PELI2: variants seen among roughly 807,000 people sequenced by gnomAD.
The protein encoded by PELI2 is E3 ubiquitin-protein ligase pellino homolog 2.
PELI2 carries 23 observed loss-of-function variants against 42.3 expected under a neutral mutation model. That is an observed-to-expected ratio of 0.54 (90% CI 0.39 to 0.77). The LOEUF is 0.77. PELI2 is among the 30% of genes least tolerant of loss of function. PELI2 has a pLI of 0.00. For missense variants in PELI2, 463 were observed against 553.2 expected (o/e 0.84, Z 1.64); for synonymous variants, 245 against 212.2 (o/e 1.15, Z -1.34).
At chr14:56,252,994 A>G (rs571666949) in intron 2 of PELI2, among the ~76,000 whole-genome samples, 3 of 151,974 alleles carry the variant, frequency 2.0e-5, no homozygotes, top group Admixed American at 6.6e-5. Flanking sequence ...CAGCACATCA[A>G]AATCCACCAT....
At chr14:56,255,919 A>G (rs1175035339) in intron 2 of PELI2, among the ~76,000 whole-genome samples, 27 of 152,164 alleles carry the variant, frequency 1.8e-4, no homozygotes, top group Non-Finnish European at 1.5e-5. Flanking sequence ...TCCTGCTGGC[A>G]TTCACTCGTG....
intron 2 of PELI2, among the ~76,000 whole-genome samples, chr14:56,214,072 C>T (rs747283550): frequency 4.6e-5 from 7 of 152,144 alleles, no homozygotes; most frequent in Non-Finnish European, 1.5e-5. Context: ...AGGATGGTCT[C>T]GAACTCCAGA....
intron 2 of PELI2, among the ~76,000 whole-genome samples, chr14:56,190,182 T>G (rs1885909641): frequency 6.6e-6 from 1 of 152,192 alleles, no homozygotes; most frequent in African/African-American, 2.4e-5. Flanking sequence ...ACATACCACT[T>G]CATCAGCAGT....
Position 56,241,990 on chromosome 14 carries a change from G to A in PELI2, c.208-37686G>A, listed in dbSNP as rs78852021. 3.1e-3 allele frequency among the ~76,000 whole-genome samples: 477 copies of A among 152,292 alleles called. 4 individuals are homozygous for A. The highest frequency in any genetic ancestry group is 0.01 in the African/African-American group (432 of 41,566). ...GAAACGAGATCCAGCACAAGAAGGC[G>A]GCAAAGGGAATTCCCAGGATGGTGA... On this transcript the variant is annotated intron_variant, in intron 2 of 5. Coordinates refer to ENST00000267460, the MANE Select transcript of PELI2 (RefSeq NM_021255.3).
chr14:56,181,818 G>A (rs77344063), intron 2 of PELI2, among the ~76,000 whole-genome samples: 3,366 of 151,676 alleles, frequency 0.022, 112 homozygotes, highest in African/African-American at 0.078. Context: ...ATAATACTCA[G>A]AGGTATTTCT....
At chr14:56,131,417 A>T (rs574215028) in intron 1 of PELI2, among the ~76,000 whole-genome samples, 1 of 152,248 alleles carries the variant, frequency 6.6e-6, no homozygotes, top group South Asian at 2.1e-4. Flanking sequence ...GCAAACAGGC[A>T]TCTTGAGATA....
At chr14:56,244,796 G>A (rs578212141) in intron 2 of PELI2, among the ~76,000 whole-genome samples, 19 of 152,216 alleles carry the variant, frequency 1.2e-4, no homozygotes, top group Non-Finnish European at 2.4e-4. Context: ...TCATGGTCTT[G>A]ATATGAGTAA....
intron 2 of PELI2, among the ~76,000 whole-genome samples, chr14:56,272,516 G>A (rs944667815): frequency 1.3e-5 from 2 of 152,106 alleles, no homozygotes; most frequent in African/African-American, 4.8e-5. Flanking sequence ...TAACATACAT[G>A]GTGATTTTCT....
At chr14:56,130,891 C>T (rs1366084024) in intron 1 of PELI2, among the ~76,000 whole-genome samples, 1 of 152,078 alleles carries the variant, frequency 6.6e-6, no homozygotes, top group Non-Finnish European at 1.5e-5. Flanking sequence ...TGGCATGTAC[C>T]CTTGAAATCT....
chr14:56,154,609 T>C (rs150734718), intron 1 of PELI2, among the ~76,000 whole-genome samples: 120 of 152,358 alleles, frequency 7.9e-4, no homozygotes, highest in African/African-American at 2.8e-3. Flanking sequence ...TTTTCCCTTA[T>C]AAATTGCCCA....
At chr14:56,278,284 T>C (rs2139870364) in intron 2 of PELI2, among the ~76,000 whole-genome samples, 1 of 152,288 alleles carries the variant, frequency 6.6e-6, no homozygotes, top group Non-Finnish European at 1.5e-5. Flanking sequence ...AAATAAAAAT[T>C]GTATATATTC....
At chr14:56,139,602 G>T (rs566841596) in intron 1 of PELI2, among the ~76,000 whole-genome samples, 1 of 152,068 alleles carries the variant, frequency 6.6e-6, no homozygotes, top group East Asian at 1.9e-4. Context: ...GTACCTGAAG[G>T]TCTTTTTAAA....
At position 56,288,601 on chromosome 14, in the gene PELI2, C is replaced by T. The variant is rs776715862; in HGVS notation, c.474C>T (p.Ala158=). 1.6e-5 allele frequency: 26 copies of T among 1,613,604 alleles called. No individual in the cohort carries two copies. Among genetic ancestry groups the T allele is most frequent in the African/African-American group, 4.0e-5 (3 of 74,888 alleles). ...NEPYTARIFA[A]GFDSSKNIFL... ...CTTACACAGCACGGATATTCGCCGC[C>T]GGATTTGACTCTTCCAAAAACATAT... is the stretch of plus-strand genomic sequence containing the variant. The change falls in exon 4 of 6, where the codon GCC becomes GCT. Residue 158 remains alanine, a synonymous_variant. Coordinates refer to ENST00000267460, the MANE Select transcript of PELI2 (RefSeq NM_021255.3). The surrounding 1 kb of genome is among the most constrained non-coding windows in gnomAD (Gnocchi z 4.6).
chr14:56,286,317 A>G (rs1450627916), intron 3 of PELI2, among the ~76,000 whole-genome samples: 1 of 152,226 alleles, frequency 6.6e-6, no homozygotes, highest in Non-Finnish European at 1.5e-5. Flanking sequence ...CCAGGAGGGA[A>G]GTCAGAAAAT....
At chr14:56,277,054 C>G (rs1404325021) in intron 2 of PELI2, among the ~76,000 whole-genome samples, 1 of 152,276 alleles carries the variant, frequency 6.6e-6, no homozygotes, top group East Asian at 1.9e-4. Context: ...AAACACCTTA[C>G]AATAATTTGT....
intron 2 of PELI2, among the ~76,000 whole-genome samples, chr14:56,263,816 A>G (rs186910263): frequency 6.6e-5 from 10 of 152,348 alleles, no homozygotes; most frequent in African/African-American, 2.4e-4. Context: ...AGCTGTAAGA[A>G]TAGAAATATG....
chr14:56,296,654 G>A lies in PELI2; in HGVS notation c.751G>A (p.Ala251Thr). 1 of 1,614,042 alleles carries A rather than the reference G, an allele frequency of 6.2e-7. No individual in the cohort carries two copies. Among genetic ancestry groups the A allele is most frequent in the South Asian group, 1.1e-5 (1 of 91,066 alleles). The change falls in exon 6 of 6, where the codon GCC becomes ACC. Residue 251 changes from alanine (A) to threonine (T), a missense_variant. Physicochemically the swap from Ala to Thr is moderately conservative, Grantham distance 58. Coordinates refer to ENST00000267460, the MANE Select transcript of PELI2 (RefSeq NM_021255.3). Reference sequence around the variant, plus strand: ...CGGCTCCCTCATTGACCTGTGTGGGGCCACTCTCCTCTGGAGAACAGCAGA... The same window carrying A: ...CGGCTCCCTCATTGACCTGTGTGGGACCACTCTCCTCTGGAGAACAGCAGA... ...QDGSLIDLCG[A>T]TLLWRTADGL...
intron 1 of PELI2, among the ~76,000 whole-genome samples, chr14:56,160,247 C>T (rs1407453200): frequency 3.3e-5 from 5 of 152,122 alleles, no homozygotes; most frequent in Non-Finnish European, 7.4e-5. Flanking sequence ...TACCTCCCCA[C>T]ACCACACTGT....
chr14:56,230,230 A>G (rs967585994), intron 2 of PELI2, among the ~76,000 whole-genome samples: 1 of 152,212 alleles, frequency 6.6e-6, no homozygotes, highest in African/African-American at 2.4e-5. Flanking sequence ...CCAGCATTCA[A>G]ATTCATGAAA....
Sources: gnomAD v4.1 joint callset for allele counts (sites outside exome capture counted in the v4.1 genomes callset) on GRCh38, gnomAD v4.1.1 for gene constraint, Gnocchi (gnomAD v3.1) non-coding constraint, MANE v1.5 for transcripts, NCBI Gene and HGNC (gene_info 2026-07-23, HGNC 2026-07-21) for gene names.